ZNF423: variants seen among roughly 807,000 people sequenced by gnomAD.
The protein encoded by ZNF423 is Ebf-associated zinc finger protein.
A neutral mutation model predicts 95.8 loss-of-function variants in ZNF423; 12 were observed. The ratio of observed to expected loss-of-function variants is 0.13; its 90% CI spans 0.08 to 0.20. ZNF423 has a LOEUF of 0.20. ZNF423 is among the 10% of genes least tolerant of loss of function. ZNF423 has a pLI of 1.00. For missense variants in ZNF423, 1,316 were observed against 1,737.1 expected (o/e 0.76, Z 4.31); for synonymous variants, 749 against 711.9 (o/e 1.05, Z -0.83).
At chr16:49,770,551 T>A (rs374889316) in intron 2 of ZNF423, among the ~76,000 whole-genome samples, 6 of 152,046 alleles carry the variant, frequency 3.9e-5, no homozygotes, top group African/African-American at 1.4e-4. Flanking sequence ...AAGGGCAGGA[T>A]AGGGGTTCAT....
intron 5 of ZNF423, among the ~76,000 whole-genome samples, chr16:49,559,734 C>T (rs1969956022): frequency 6.6e-6 from 1 of 152,156 alleles, no homozygotes; most frequent in Non-Finnish European, 1.5e-5. Context: ...ATCATCAGGA[C>T]ATTGCTGGCC....
chr16:49,702,729 A>G (rs1440108066), intron 3 of ZNF423, among the ~76,000 whole-genome samples: 1 of 152,248 alleles, frequency 6.6e-6, no homozygotes, highest in Non-Finnish European at 1.5e-5. Context: ...GATGGGGGCC[A>G]GAGATGGATG....
intron 1 of ZNF423, among the ~76,000 whole-genome samples, chr16:49,851,234 C>A (rs1448389185): frequency 2.6e-5 from 4 of 152,202 alleles, no homozygotes; most frequent in Non-Finnish European, 5.9e-5. Context: ...GAAGAGGGAA[C>A]TGGTCCTAAC....
rs200880737 is a variant in ZNF423, at chr16:49,636,536, A to C, written c.2640T>G (p.His880Gln). 1 of 1,613,602 alleles carries C rather than the reference A, an allele frequency of 6.2e-7. No homozygotes were observed. The highest frequency in any genetic ancestry group is 1.1e-5 in the South Asian group (1 of 91,084). ...LLKNPEAPNS[H>Q]EASEDDVDAS... ...CGTCCACGTCATCCTCGCTGGCCTCATGGCTGTTAGGTGCCTCAGGGTTCT... is the reference window on the plus strand; with the variant it reads ...CGTCCACGTCATCCTCGCTGGCCTCCTGGCTGTTAGGTGCCTCAGGGTTCT... Residue 880 changes from histidine to glutamine, a missense_variant, in exon 4 of 8, where the codon CAT becomes CAG. His to Gln is a conservative substitution (Grantham distance 24). Around this residue, in one of 6 missense-constraint regions of ZNF423, gnomAD observed 620 missense variants for 775.6 expected, o/e 0.80. Transcript: ENST00000563137. The surrounding 1 kb of genome is among the most constrained non-coding windows in gnomAD (Gnocchi z 8.6).
At chr16:49,547,729 G>A (rs558396385) in intron 5 of ZNF423, among the ~76,000 whole-genome samples, 170 of 152,342 alleles carry the variant, frequency 1.1e-3, no homozygotes, top group Middle Eastern at 3.4e-3. Flanking sequence ...AATGCTGGGC[G>A]TTGTCCTGGG....
At chr16:49,562,602 C>T (rs1160833124) in intron 5 of ZNF423, among the ~76,000 whole-genome samples, 1 of 152,158 alleles carries the variant, frequency 6.6e-6, no homozygotes, top group Non-Finnish European at 1.5e-5. Flanking sequence ...TGGGTGAGTT[C>T]CCCATCATGG....
At chr16:49,601,815 C>G (rs569556538) in intron 5 of ZNF423, among the ~76,000 whole-genome samples, 8 of 152,342 alleles carry the variant, frequency 5.3e-5, no homozygotes, top group African/African-American at 1.7e-4. Context: ...CCCTGCCTGT[C>G]TTCCTAGAGG....
intron 2 of ZNF423, among the ~76,000 whole-genome samples, chr16:49,760,915 A>AACACACAC (rs112034770): frequency 4.7e-5 from 7 of 148,196 alleles, no homozygotes; most frequent in African/African-American, 1.5e-4. Flanking sequence ...ACCTCCCTCC[A>AACACACAC]ACACACACAC....
chr16:49,508,113 G>A (rs1293343033), intron 7 of ZNF423, among the ~76,000 whole-genome samples: 1 of 152,160 alleles, frequency 6.6e-6, no homozygotes, highest in Non-Finnish European at 1.5e-5. Context: ...CTTCATATTA[G>A]AGGCATTGTG....
intron 5 of ZNF423, among the ~76,000 whole-genome samples, chr16:49,615,263 G>A (rs1359033331): frequency 6.6e-6 from 1 of 152,138 alleles, no homozygotes; most frequent in African/African-American, 2.4e-5. Flanking sequence ...AGGACGGCAG[G>A]CAAATGCAAA....
chr16:49,508,977 T>A (rs1361412298), intron 7 of ZNF423, among the ~76,000 whole-genome samples: 1 of 152,234 alleles, frequency 6.6e-6, no homozygotes, highest in African/African-American at 2.4e-5. Context: ...GGAGGAAAGC[T>A]GTGTATCTTA....
chr16:49,698,009 G>GTT (rs976529501), intron 3 of ZNF423, among the ~76,000 whole-genome samples: 1 of 151,720 alleles, frequency 6.6e-6, no homozygotes, highest in Non-Finnish European at 1.5e-5. Context: ...GGGGGTGCGT[G>GTT]TGTGTGTGTG....
chr16:49,550,504 G>A (rs1969595095), intron 5 of ZNF423, among the ~76,000 whole-genome samples: 1 of 152,274 alleles, frequency 6.6e-6, no homozygotes, highest in Non-Finnish European at 1.5e-5. Flanking sequence ...GGAAAGAGAA[G>A]ACTGCTTGGC....
chr16:49,735,686 G>A (rs914655577), intron 2 of ZNF423, among the ~76,000 whole-genome samples: 2 of 152,180 alleles, frequency 1.3e-5, no homozygotes, highest in African/African-American at 4.8e-5. Context: ...AAGCCCAGCA[G>A]CCATAATATA....
At chr16:49,655,670 T>G (rs2029868742) in intron 3 of ZNF423, among the ~76,000 whole-genome samples, 1 of 152,092 alleles carries the variant, frequency 6.6e-6, no homozygotes, top group Non-Finnish European at 1.5e-5. Context: ...TTTCCTCCAC[T>G]TTTGGAATAA....
intron 5 of ZNF423, among the ~76,000 whole-genome samples, chr16:49,619,160 C>T (rs34787360): frequency 0.048 from 7,370 of 152,188 alleles, 223 homozygotes; most frequent in Non-Finnish European, 0.07. Flanking sequence ...CCTGGAATAC[C>T]CAGATTGGGC....
At chr16:49,761,203 CT>C (rs1014180386) in intron 2 of ZNF423, among the ~76,000 whole-genome samples, 38 of 152,310 alleles carry the variant, frequency 2.5e-4, no homozygotes, top group Non-Finnish European at 5.9e-5. Context: ...CAATGTCTAC[CT>C]CATAGGACTG....
Position 49,638,472 on chromosome 16 carries a change from C to T in ZNF423, c.704G>A (p.Cys235Tyr), listed in dbSNP as rs768930459. 1 of 1,613,904 alleles carries T rather than the reference C, an allele frequency of 6.2e-7. No homozygotes were observed. Among genetic ancestry groups the T allele is most frequent in the South Asian group, 1.1e-5 (1 of 91,080 alleles). ...SSSKPFKCTV[C>Y]KRGFSSTSSL... ...GCTGGTGGAGGAGAAGCCGCGCTTG[C>T]ACACAGTGCACTTGAAGGGCTTGCT... The change falls in exon 4 of 8, where the codon TGC (cysteine) becomes TAC (tyrosine). Residue 235 changes from cysteine to tyrosine, a missense_variant. Around this residue, in one of 6 missense-constraint regions of ZNF423, gnomAD observed 399 missense variants for 478.5 expected, o/e 0.83. Coordinates refer to ENST00000563137, the MANE Select transcript of ZNF423 (RefSeq NM_001379286.1). The surrounding 1 kb of genome is among the most constrained non-coding windows in gnomAD (Gnocchi z 5.6).
At chr16:49,491,368 C>T (rs1966954521) in intron 7 of ZNF423, 64 bp from the exon 8 acceptor site, 5 of 1,596,418 alleles carry the variant, frequency 3.1e-6, no homozygotes, top group African/African-American at 1.3e-5. Context: ...TCGTCCCTCC[C>T]ACTCAGTGCA....
Sources: gnomAD v4.1 joint callset for allele counts (sites outside exome capture counted in the v4.1 genomes callset) on GRCh38, gnomAD v4.1.1 for gene constraint, gnomAD v4.1.1 regional missense constraint, Gnocchi (gnomAD v3.1) non-coding constraint, MANE v1.5 for transcripts, NCBI Gene and HGNC (gene_info 2026-07-23, HGNC 2026-07-21) for gene names.